Variants in TTLL6 observed in about 807,000 individuals in gnomAD.
TTLL6 encodes tubulin polyglutamylase TTLL6.
In TTLL6, 75 loss-of-function variants were observed where a neutral mutation model predicts 96.4. The ratio of observed to expected loss-of-function variants is 0.78; its 90% CI spans 0.65 to 0.94. TTLL6 has a LOEUF of 0.94. TTLL6 is among the 40% of genes least tolerant of loss of function. The pLI is 0.00. For synonymous variants in TTLL6, 411 were observed against 419.4 expected, an observed-to-expected ratio of 0.98 and a Z score of 0.24; for missense variants, 1,030 against 1,093.0, an observed-to-expected ratio of 0.94 and a Z score of 0.81.
Position 48,801,262 on chromosome 17 carries a change from G to T in TTLL6, c.604C>A (p.Pro202Thr). Reference protein sequence around the residue: ...FRFFPRTWCLPADWGDLQTYS... With the variant: ...FRFFPRTWCLTADWGDLQTYS... ...AGGGCGGGGGGCACTCACTCAGCAG[G>T]AAGACACCAGGTCCTAGGGAAAAAG... is the stretch of plus-strand genomic sequence containing the variant. Residue 202 changes from proline to threonine, a missense_variant, in exon 5 of 16, where the codon CCT becomes ACT. Transcript: ENST00000393382. The T allele has an allele frequency of 2.6e-6, 4 of 1,551,610 alleles. 1 individual carries two copies. The South Asian group carries it at 4.8e-5, about 18-fold the overall frequency.
chr17:48,785,498 C>T (rs2039073704), intron 12 of TTLL6, among the ~76,000 whole-genome samples: 1 of 152,146 alleles, frequency 6.6e-6, no homozygotes, highest in Non-Finnish European at 1.5e-5. Flanking sequence ...GTGACCCTAA[C>T]AAAGTTGAAT....
chr17:48,800,062 C>T (rs189515909), intron 5 of TTLL6: 47 of 281,878 alleles, frequency 1.7e-4, no homozygotes, highest in Admixed American at 9.4e-4. Context: ...AGGATAATAA[C>T]GACACCCACC....
intron 10 of TTLL6, 145 bp from the exon 11 acceptor site, chr17:48,788,144 T>C (rs1201421384): frequency 1.4e-6 from 1 of 732,562 alleles, no homozygotes; most frequent in African/African-American, 1.8e-5. Flanking sequence ...AATAAATGCA[T>C]GACTGTTTCC....
At chr17:48,788,579 C>T (rs926790559) in intron 10 of TTLL6, among the ~76,000 whole-genome samples, 5 of 152,162 alleles carry the variant, frequency 3.3e-5, no homozygotes, top group African/African-American at 1.2e-4. Flanking sequence ...ACAGCTGCTC[C>T]TCAACAGGAC....
intron 13 of TTLL6, among the ~76,000 whole-genome samples, chr17:48,774,651 C>T (rs549865501): frequency 1.3e-5 from 2 of 152,206 alleles, no homozygotes; most frequent in South Asian, 4.1e-4. Context: ...AAAGCCACCT[C>T]AGATGAAATG....
In TTLL6 at chr17:48,793,822, G is replaced by A. The variant is rs1307787334; in HGVS notation, c.999-2219C>T. On this transcript the variant is annotated intron_variant, in intron 8 of 15. Coordinates refer to ENST00000393382, the MANE Select transcript of TTLL6 (RefSeq NM_001130918.3). ...TGACTTCATAGTGTTGTTGTGAGGA[G>A]GATTAAGTGGGTTCAAGTATGTAAA... Among the ~76,000 whole-genome samples, 5 of 152,080 alleles carry A rather than the reference G, an allele frequency of 3.3e-5. No homozygotes were observed. In the East Asian group the frequency reaches 7.7e-4, roughly 23 times the overall value.
chr17:48,808,435 G>A lies in TTLL6; in HGVS notation c.104-3444C>T, dbSNP rs556859312. The stretch of plus-strand genomic sequence containing the variant: ...ATATATGTTGCTTCCCAGAGGGATT[G>A]CATATTCCCATGTTGCTTCCCAGAG... On this transcript the variant is annotated intron_variant, in intron 1 of 15. Coordinates refer to ENST00000393382, the MANE Select transcript of TTLL6 (RefSeq NM_001130918.3). Among the ~76,000 whole-genome samples, 9 of 152,088 alleles carry A rather than the reference G, an allele frequency of 5.9e-5. No homozygotes were observed. The South Asian group carries it at 1.9e-3, about 32-fold the overall frequency.
intron 1 of TTLL6, among the ~76,000 whole-genome samples, chr17:48,805,768 T>C (rs1409938041): frequency 6.6e-6 from 1 of 152,002 alleles, no homozygotes; most frequent in Non-Finnish European, 1.5e-5. Context: ...AGGTCAGACG[T>C]TTGAGACCAG....
chr17:48,801,201 A>T, intron 5 of TTLL6, 54 bp downstream of exon 5: 1 of 1,510,738 alleles, frequency 6.6e-7, no homozygotes, highest in African/African-American at 1.4e-5. Context: ...GGGCAAGAGG[A>T]AATGTAAATG....
intron 1 of TTLL6, among the ~76,000 whole-genome samples, chr17:48,808,818 G>A (rs926581634): frequency 3.3e-5 from 5 of 152,180 alleles, no homozygotes; most frequent in South Asian, 2.1e-4. Context: ...CGATCTGCCC[G>A]CCTCGGCCTC....
intron 8 of TTLL6, among the ~76,000 whole-genome samples, chr17:48,795,658 C>T (rs1356082456): frequency 6.6e-6 from 1 of 152,196 alleles, no homozygotes; most frequent in Admixed American, 6.5e-5. Flanking sequence ...AATGGAGCAA[C>T]GTCCAGGGGA....
At chr17:48,769,681 T>C (rs1261878808) in intron 14 of TTLL6, 47 bp downstream of exon 14, 5 of 1,586,718 alleles carry the variant, frequency 3.2e-6, no homozygotes. Flanking sequence ...TATCGGTCCC[T>C]CTCCCCTTTA....
intron 13 of TTLL6, among the ~76,000 whole-genome samples, chr17:48,770,801 GTAATCTCCTGCCTC>G (rs1445076039): frequency 3.2e-4 from 48 of 151,634 alleles, no homozygotes; most frequent in Non-Finnish European, 5.0e-4. Flanking sequence ...GCATGAGCCT[GTAATCTCCTGCCTC>G]CTGGAGGCAG....
chr17:48,782,541 G>A (rs953277663), intron 13 of TTLL6, among the ~76,000 whole-genome samples: 1 of 152,138 alleles, frequency 6.6e-6, no homozygotes, highest in Non-Finnish European at 1.5e-5. Flanking sequence ...CTTTCAGTTT[G>A]ACATGGTCTC....
chr17:48,767,861 C>A (rs1262485532), intron 15 of TTLL6, among the ~76,000 whole-genome samples: 2 of 152,160 alleles, frequency 1.3e-5, no homozygotes, highest in Non-Finnish European at 2.9e-5. Context: ...TGTCCTGTTG[C>A]TCTGTCCCCT....
At chr17:48,773,280 G>C (rs2038788235) in intron 13 of TTLL6, among the ~76,000 whole-genome samples, 1 of 152,176 alleles carries the variant, frequency 6.6e-6, no homozygotes, top group Non-Finnish European at 1.5e-5. Flanking sequence ...GGCAGCAAAA[G>C]ATTTTGAATA....
intron 3 of TTLL6, among the ~76,000 whole-genome samples, chr17:48,802,489 A>G (rs1441883561): frequency 1.3e-5 from 2 of 152,246 alleles, no homozygotes; most frequent in Non-Finnish European, 2.9e-5. Flanking sequence ...ACACAAACTC[A>G]AATGCCTTCA....
At chr17:48,814,318 CAAAA>C (rs398030988) in intron 1 of TTLL6, among the ~76,000 whole-genome samples, 4 of 52,856 alleles carry the variant, frequency 7.6e-5, no homozygotes, top group Admixed American at 2.6e-4. Flanking sequence ...GACAGTGTCT[CAAAA>C]AAAAAAAAAA....
At chr17:48,804,337 A>T in intron 2 of TTLL6, 2 of 484,522 alleles carry the variant, frequency 4.1e-6, no homozygotes, top group South Asian at 3.1e-5. Flanking sequence ...GCTTTCCTTC[A>T]TCAATCAGTC....
Sources: allele counts gnomAD v4.1 joint callset (sites outside exome capture counted in the v4.1 genomes callset), GRCh38; gene constraint gnomAD v4.1.1; transcripts MANE v1.5; gene names NCBI Gene and HGNC (gene_info 2026-07-23, HGNC 2026-07-21).